The following SLC16A7 variants were observed in gnomAD, a reference collection of about 807,000 sequenced individuals.
SLC16A7 encodes the protein monocarboxylate transporter 2.
In SLC16A7, 33 loss-of-function variants were observed where a neutral mutation model predicts 34.9. The ratio of observed to expected loss-of-function variants is 0.94; its 90% CI spans 0.72 to 1.26. SLC16A7 has a LOEUF of 1.26. Ranked by LOEUF, SLC16A7 falls within the 50% of genes most tolerant of loss-of-function variation. The pLI, the probability that SLC16A7 is intolerant of heterozygous loss-of-function variation, is 0.00. For synonymous variants in SLC16A7, 201 were observed against 206.6 expected (o/e 0.97, Z 0.23); for missense variants, 573 against 578.1 (o/e 0.99, Z 0.09).
intron 3 of SLC16A7, among the ~76,000 whole-genome samples, chr12:59,749,494 A>C (rs980803884): frequency 2.0e-5 from 3 of 152,128 alleles, no homozygotes; most frequent in Admixed American, 2.0e-4. Flanking sequence ...CCCCATACAC[A>C]AAATATCTCA....
chr12:59,755,375 T>C (rs1396758429), intron 3 of SLC16A7, among the ~76,000 whole-genome samples: 4 of 152,142 alleles, frequency 2.6e-5, no homozygotes, highest in Non-Finnish European at 5.9e-5. Flanking sequence ...CAGCCCAAAA[T>C]CTCCTTAAGC....
intron 2 of SLC16A7, among the ~76,000 whole-genome samples, chr12:59,675,107 T>C (rs188452437): frequency 1.3e-5 from 2 of 152,342 alleles, no homozygotes; most frequent in East Asian, 3.9e-4. Context: ...AGCATGGTGA[T>C]GACAAGGGTC....
intron 4 of SLC16A7, 120 bp downstream of exon 4, chr12:59,771,482 GT>G: frequency 1.5e-6 from 1 of 671,226 alleles, no homozygotes; most frequent in Non-Finnish European, 2.3e-6. Context: ...AAACAATGCA[GT>G]TTTAAAATAT....
At chr12:59,698,027 T>A (rs576093279) in intron 2 of SLC16A7, among the ~76,000 whole-genome samples, 124 of 151,892 alleles carry the variant, frequency 8.2e-4, no homozygotes, top group African/African-American at 3.0e-3. Context: ...TCAGTAGAAA[T>A]GTTATTTGAA....
chr12:59,616,079 CACAA>C (rs1336191143), intron 1 of SLC16A7, among the ~76,000 whole-genome samples: 1 of 152,210 alleles, frequency 6.6e-6, no homozygotes, highest in Non-Finnish European at 1.5e-5. Flanking sequence ...ATAAAGGACA[CACAA>C]ACAGCATGAT....
intron 3 of SLC16A7, among the ~76,000 whole-genome samples, chr12:59,706,362 C>G (rs1370335699): frequency 2.0e-5 from 3 of 150,128 alleles, no homozygotes; most frequent in Admixed American, 6.7e-5. Context: ...AAATAATTCC[C>G]TGTGTGTGTG....
At chr12:59,757,147 C>T (rs1295465537) in intron 3 of SLC16A7, among the ~76,000 whole-genome samples, 2 of 149,778 alleles carry the variant, frequency 1.3e-5, no homozygotes, top group African/African-American at 4.9e-5. Flanking sequence ...AGGAGATATA[C>T]CTAATTCTAA....
intron 2 of SLC16A7, among the ~76,000 whole-genome samples, chr12:59,699,445 A>G (rs1437090415): frequency 1.3e-5 from 2 of 151,772 alleles, no homozygotes; most frequent in Non-Finnish European, 3.0e-5. Flanking sequence ...AAAATTATGC[A>G]TTGGTCAGGA....
At chr12:59,779,378 G>T in intron 5 of SLC16A7, 45 bp from the exon 6 acceptor site, 2 of 1,403,152 alleles carry the variant, frequency 1.4e-6, no homozygotes, top group South Asian at 2.7e-5. Context: ...ATCATTATAT[G>T]ACTGTTTTAT....
intron 2 of SLC16A7, among the ~76,000 whole-genome samples, chr12:59,701,098 C>T (rs1329252368): frequency 6.6e-6 from 1 of 151,532 alleles, no homozygotes. Context: ...TATTTTTTCT[C>T]TTCAAAAATG....
rs1238943180 is a variant in SLC16A7 at position 59,761,299 on chromosome 12, A to T, written c.218-9920A>T. Reference sequence around the variant, plus strand: ...AGCATTTATATTCTCTTAAAGTCTGATGGTTAGGTTTCTAACTTTTCCAGT... The same window carrying T: ...AGCATTTATATTCTCTTAAAGTCTGTTGGTTAGGTTTCTAACTTTTCCAGT... On this transcript the variant is annotated intron_variant, in intron 3 of 5. Transcript: ENST00000547379. 2.2e-5 allele frequency: 10 copies of T among 449,888 alleles called. 1 individual carries two copies. The Admixed American group carries it at 3.7e-4, about 17-fold the overall frequency. The allele number at this position is 449,888 out of a possible 1,614,324, so 27.9% of individuals were successfully genotyped here.
chr12:59,631,137 T>C (rs938511490), intron 1 of SLC16A7, among the ~76,000 whole-genome samples: 1 of 151,962 alleles, frequency 6.6e-6, no homozygotes, highest in Non-Finnish European at 1.5e-5. Flanking sequence ...GAGTTTTACA[T>C]ATACTACAAG....
chr12:59,709,309 G>A (rs1408146691), intron 3 of SLC16A7, among the ~76,000 whole-genome samples: 1 of 151,530 alleles, frequency 6.6e-6, no homozygotes, highest in East Asian at 1.9e-4. Flanking sequence ...TATGTGAATA[G>A]TGACGGCCAA....
chr12:59,729,053 A>G (rs1229287617), intron 3 of SLC16A7, among the ~76,000 whole-genome samples: 2 of 152,228 alleles, frequency 1.3e-5, no homozygotes, highest in Admixed American at 6.5e-5. Context: ...TCAGGTTATT[A>G]GTGGTGCCAT....
chr12:59,778,391 T>C (rs1336311788), intron 5 of SLC16A7, among the ~76,000 whole-genome samples: 1 of 152,132 alleles, frequency 6.6e-6, no homozygotes, highest in Non-Finnish European at 1.5e-5. Flanking sequence ...AAATTTAATG[T>C]TGAGCCACTG....
intron 3 of SLC16A7, among the ~76,000 whole-genome samples, chr12:59,717,851 A>G (rs954874687): frequency 1.3e-5 from 2 of 152,232 alleles, no homozygotes; most frequent in African/African-American, 4.8e-5. Context: ...TAAATGAAAC[A>G]GCAGTGAATG....
intron 3 of SLC16A7, among the ~76,000 whole-genome samples, chr12:59,723,544 A>G (rs1437003411): frequency 1.3e-5 from 2 of 152,016 alleles, no homozygotes; most frequent in Admixed American, 1.3e-4. Flanking sequence ...TCAAGGGAAT[A>G]ATTGATGAAA....
chr12:59,742,944 CA>C, intron 3 of SLC16A7, among the ~76,000 whole-genome samples: 1 of 152,142 alleles, frequency 6.6e-6, no homozygotes, highest in East Asian at 1.9e-4. Flanking sequence ...TCTTCCCACC[CA>C]CAAGAAATTG....
At chr12:59,600,959 G>A (rs1041596280) in intron 1 of SLC16A7, among the ~76,000 whole-genome samples, 8 of 152,130 alleles carry the variant, frequency 5.3e-5, no homozygotes, top group Admixed American at 4.6e-4. Context: ...CAAGATACTG[G>A]CCTAAAGGTA....
Sources: gnomAD v4.1 joint callset for allele counts (sites outside exome capture counted in the v4.1 genomes callset) on GRCh38, gnomAD v4.1.1 for gene constraint, MANE v1.5 for transcripts, NCBI Gene and HGNC (gene_info 2026-07-23, HGNC 2026-07-21) for gene names.